Variants in GSE1 observed in about 807,000 individuals in gnomAD.
GSE1 encodes the protein genetic suppressor element 1.
Under a neutral mutation model 112.6 loss-of-function variants are expected in GSE1, and 32 were observed. The ratio of observed to expected loss-of-function variants is 0.28; its 90% CI spans 0.21 to 0.38. The LOEUF (loss-of-function observed/expected upper bound fraction) is 0.38, where lower values mean the gene tolerates loss of function less well. Among genes scored for constraint, GSE1 ranks in the 10% least tolerant of loss-of-function variants. GSE1 has a pLI of 1.00. For missense variants in GSE1, 2,348 were observed against 1,699.2 expected (o/e 1.38, Z -6.71); for synonymous variants, 1,115 against 735.6 (o/e 1.52, Z -8.35).
At chr16:85,325,989 C>T (rs1248627763) in intron 1 of GSE1, among the ~76,000 whole-genome samples, 3 of 152,148 alleles carry the variant, frequency 2.0e-5, no homozygotes. Flanking sequence ...CCTCATGATC[C>T]ACCCGCCTCA....
At chr16:85,483,994 G>C (rs1441762922) in intron 2 of GSE1, among the ~76,000 whole-genome samples, 1 of 152,236 alleles carries the variant, frequency 6.6e-6, no homozygotes, top group Non-Finnish European at 1.5e-5. Flanking sequence ...CCCTCCCCGA[G>C]AGGTGCGTCC....
chr16:85,217,229 A>G (rs1023504520), intron 1 of GSE1, among the ~76,000 whole-genome samples: 1 of 152,210 alleles, frequency 6.6e-6, no homozygotes, highest in African/African-American at 2.4e-5. Flanking sequence ...AATGCTGCAC[A>G]TTGGGACGAT....
chr16:85,253,691 G>C (rs1314188655), intron 1 of GSE1, among the ~76,000 whole-genome samples: 1 of 152,232 alleles, frequency 6.6e-6, no homozygotes. Context: ...GGAAGACCTG[G>C]AGGAAGAGTT....
chr16:85,414,281 G>A (rs982615593), intron 2 of GSE1, among the ~76,000 whole-genome samples: 1 of 152,154 alleles, frequency 6.6e-6, no homozygotes, highest in Non-Finnish European at 1.5e-5. Flanking sequence ...CTGGTATTTC[G>A]GGAACTGCAT....
intron 2 of GSE1, among the ~76,000 whole-genome samples, chr16:85,365,281 A>G (rs2047163676): frequency 6.6e-6 from 1 of 152,024 alleles, no homozygotes; most frequent in South Asian, 2.1e-4. Flanking sequence ...CTTCTGAGAA[A>G]CCTGCCTGAG....
In GSE1 at chr16:85,267,467, G is replaced by T. The variant is rs542701671; in HGVS notation, c.2284-89996G>T. On this transcript the variant is annotated intron_variant, in intron 1 of 2. Coordinates refer to the GSE1 transcript ENST00000637419. The stretch of plus-strand genomic sequence containing the variant: ...GAAAGGAGGGCAGTGACCGTGGGGG[G>T]TGGGGGAATGGGGAGGTGCCTATGT... Among the ~76,000 whole-genome samples, 9 of 152,236 alleles carry T rather than the reference G, an allele frequency of 5.9e-5. No homozygotes were observed. In the East Asian group the frequency reaches 1.5e-3, roughly 26 times the overall value.
intron 1 of GSE1, among the ~76,000 whole-genome samples, chr16:85,262,282 G>C (rs1433893442): frequency 6.6e-6 from 1 of 152,236 alleles, no homozygotes; most frequent in Admixed American, 6.5e-5. Flanking sequence ...CCCGTCTCTT[G>C]TTAGTGGTTC....
intron 1 of GSE1, among the ~76,000 whole-genome samples, chr16:85,598,323 G>A (rs1377914639): frequency 2.0e-5 from 3 of 152,096 alleles, no homozygotes; most frequent in South Asian, 4.1e-4. Context: ...AGGGCAGTTC[G>A]GGTGGGCTGC....
chr16:85,331,359 G>GTATATATGTATATATATGTATATA (rs1192723319), intron 1 of GSE1, among the ~76,000 whole-genome samples: 1 of 54,510 alleles, frequency 1.8e-5, no homozygotes, highest in African/African-American at 5.4e-5. Context: ...GTGTGTGTGT[G>GTATATATGTATATATATGTATATA]TGTGTGTATA....
chr16:85,661,922 A>C (rs893844390), intron 9 of GSE1, among the ~76,000 whole-genome samples, 157 bp downstream of exon 9: 73 of 152,176 alleles, frequency 4.8e-4, no homozygotes, highest in African/African-American at 1.7e-3. Context: ...TCTTTGTAGC[A>C]GCATGACACC....
At chr16:85,525,144 C>A (rs1024385825) in intron 2 of GSE1, among the ~76,000 whole-genome samples, 4 of 152,002 alleles carry the variant, frequency 2.6e-5, no homozygotes, top group African/African-American at 7.2e-5. Flanking sequence ...GGCAGTGGGC[C>A]AGGGGGTAAC....
intron 2 of GSE1, among the ~76,000 whole-genome samples, chr16:85,547,532 A>C (rs1009523356): frequency 1.3e-5 from 2 of 152,170 alleles, no homozygotes; most frequent in African/African-American, 2.4e-5. Context: ...TAGTTTAATA[A>C]ATTTATATAA....
intron 1 of GSE1, among the ~76,000 whole-genome samples, chr16:85,288,731 G>A (rs1355631220): frequency 6.6e-6 from 1 of 152,182 alleles, no homozygotes; most frequent in African/African-American, 2.4e-5. Flanking sequence ...TGGGAGAGGC[G>A]GCATTTGTGC....
intron 1 of GSE1, among the ~76,000 whole-genome samples, chr16:85,349,445 G>T (rs913683429): frequency 4.8e-4 from 73 of 152,252 alleles, no homozygotes; most frequent in African/African-American, 1.6e-3. Context: ...GGAGAAGAGG[G>T]CTCCCGTGGC....
intron 12 of GSE1, 80 bp from the exon 13 acceptor site, chr16:85,665,896 A>G (rs760766765): frequency 5.1e-6 from 7 of 1,380,680 alleles, no homozygotes; most frequent in Non-Finnish European, 7.2e-6. Context: ...TGTAAGCTCT[A>G]GAGACCAGGA....
Position 85,262,344 on chromosome 16 carries a change from C to T in GSE1, c.2283+90537C>T, listed in dbSNP as rs1369221247. ...TGTGGTGACACGCGGTGGCAGAGGGCGATTCTGGGAGAGATTGTCGGGGAG... is the reference window on the plus strand; with the variant it reads ...TGTGGTGACACGCGGTGGCAGAGGGTGATTCTGGGAGAGATTGTCGGGGAG... On this transcript the variant is annotated intron_variant, in intron 1 of 2. Coordinates refer to the GSE1 transcript ENST00000637419. Among the ~76,000 whole-genome samples the T allele has an allele frequency of 2.0e-5, 3 of 152,098 alleles. No individual in the cohort carries two copies. The East Asian group carries it at 5.8e-4, about 29-fold the overall frequency.
intron 2 of GSE1, among the ~76,000 whole-genome samples, chr16:85,481,756 G>A (rs577137528): frequency 2.6e-4 from 39 of 152,318 alleles, no homozygotes; most frequent in African/African-American, 7.0e-4. Context: ...CCCAATGCCC[G>A]GCACTTTGGG....
At chr16:85,326,551 C>G (rs2046231716) in intron 1 of GSE1, among the ~76,000 whole-genome samples, 1 of 152,232 alleles carries the variant, frequency 6.6e-6, no homozygotes, top group Non-Finnish European at 1.5e-5. Flanking sequence ...TCTGCTTGCA[C>G]TCACTGTCTC....
intron 1 of GSE1, among the ~76,000 whole-genome samples, chr16:85,314,728 C>A (rs1005191680): frequency 1.3e-5 from 2 of 152,206 alleles, no homozygotes; most frequent in East Asian, 3.9e-4. Context: ...GCAGCAGGCC[C>A]TAGGTTCCCC....
Sources: gnomAD v4.1 joint callset for allele counts (sites outside exome capture counted in the v4.1 genomes callset) on GRCh38, gnomAD v4.1.1 for gene constraint, MANE v1.5 for transcripts, NCBI Gene and HGNC (gene_info 2026-07-23, HGNC 2026-07-21) for gene names.